The following CERK variants were observed in gnomAD, a reference collection of about 807,000 sequenced individuals.
CERK encodes acylsphingosine kinase.
In CERK, 39 loss-of-function variants were observed where a neutral mutation model predicts 63.4. That is an observed-to-expected ratio of 0.61 (90% CI 0.48 to 0.80). The LOEUF is 0.80. CERK is among the 30% of genes least tolerant of loss of function. The pLI, the probability that CERK is intolerant of heterozygous loss-of-function variation, is 0.00. For synonymous variants in CERK, 302 were observed against 280.0 expected (o/e 1.08, Z -0.78); for missense variants, 670 against 714.1 (o/e 0.94, Z 0.70).
At chr22:46,721,299 A>AT (rs1359569378) in intron 1 of CERK, among the ~76,000 whole-genome samples, 1 of 151,580 alleles carries the variant, frequency 6.6e-6, no homozygotes, top group African/African-American at 2.4e-5. Flanking sequence ...ACATATATAT[A>AT]TATATTTTTT....
At chr22:46,707,662 T>C (rs1445243492) in intron 6 of CERK, among the ~76,000 whole-genome samples, 181 bp downstream of exon 6, 2 of 152,148 alleles carry the variant, frequency 1.3e-5, no homozygotes, top group African/African-American at 4.8e-5. Flanking sequence ...TCCACGAGTG[T>C]CTATTTCATT....
At chr22:46,703,484 G>A (rs2082797734) in intron 6 of CERK, among the ~76,000 whole-genome samples, 2 of 152,314 alleles carry the variant, frequency 1.3e-5, no homozygotes, top group South Asian at 2.1e-4. Flanking sequence ...GCCTCCCACA[G>A]GGTCTGTGGC....
chr22:46,705,448 G>A (rs1297044950), intron 6 of CERK, among the ~76,000 whole-genome samples: 2 of 152,218 alleles, frequency 1.3e-5, no homozygotes, highest in Non-Finnish European at 2.9e-5. Flanking sequence ...AAGGCAGGTA[G>A]ATCACTTGAG....
chr22:46,693,250 G>A (rs1189118065), intron 10 of CERK, among the ~76,000 whole-genome samples, 177 bp downstream of exon 10: 1 of 152,148 alleles, frequency 6.6e-6, no homozygotes, highest in African/African-American at 2.4e-5. Context: ...AGCCACACAC[G>A]GCAAGTAACA....
intron 11 of CERK, 84 bp downstream of exon 11, chr22:46,691,488 G>A: frequency 8.8e-7 from 1 of 1,134,424 alleles, no homozygotes; most frequent in Non-Finnish European, 1.2e-6. Flanking sequence ...ATTAAATAAT[G>A]AATTCCTACA....
intron 8 of CERK, among the ~76,000 whole-genome samples, chr22:46,696,114 C>T (rs139989556): frequency 6.6e-5 from 10 of 152,306 alleles, no homozygotes; most frequent in South Asian, 2.1e-4. Context: ...CATCCTCATC[C>T]GCAGATGGCA....
At chr22:46,687,918 AG>A (rs376773257) in intron 12 of CERK, among the ~76,000 whole-genome samples, 4 of 152,144 alleles carry the variant, frequency 2.6e-5, no homozygotes, top group African/African-American at 9.6e-5. Flanking sequence ...AGGCTGGGGC[AG>A]GGCACAGTGA....
At chr22:46,701,098 T>C (rs1002705871) in intron 7 of CERK, among the ~76,000 whole-genome samples, 10 of 151,708 alleles carry the variant, frequency 6.6e-5, no homozygotes, top group African/African-American at 2.2e-4. Flanking sequence ...TCTACTGGGG[T>C]GAGGAACAGG....
chr22:46,719,622 A>C (rs970855440), intron 3 of CERK, among the ~76,000 whole-genome samples: 5 of 152,242 alleles, frequency 3.3e-5, no homozygotes, highest in Admixed American at 2.0e-4. Context: ...CAGTGAGCTG[A>C]GATCGCGCCA....
chr22:46,699,160 G>T (rs547934709), intron 8 of CERK, among the ~76,000 whole-genome samples, 153 bp downstream of exon 8: 1 of 152,276 alleles, frequency 6.6e-6, no homozygotes, highest in Admixed American at 6.5e-5. Flanking sequence ...GCCACGTTCT[G>T]GCCCCGGCAC....
intron 10 of CERK, among the ~76,000 whole-genome samples, chr22:46,692,076 G>A (rs150690087): frequency 1.1e-3 from 160 of 152,294 alleles, no homozygotes; most frequent in African/African-American, 3.6e-3. Context: ...TGTCAGATCC[G>A]GCCCGCCGCC....
Position 46,731,081 on chromosome 22 carries a change from G to A in CERK, c.142+6926C>T, listed in dbSNP as rs534698266. On this transcript the variant is annotated intron_variant, in intron 1 of 12. Transcript: ENST00000216264. Reference sequence around the variant, plus strand: ...CACAACCTCTGCCAGGGCTGTACAGGGGAGGCCACGCAGGAAGCTGGAACC... The same window carrying A: ...CACAACCTCTGCCAGGGCTGTACAGAGGAGGCCACGCAGGAAGCTGGAACC... 1.1e-4 allele frequency among the ~76,000 whole-genome samples: 17 copies of A among 152,386 alleles called. No homozygotes were observed. In the South Asian group the frequency reaches 3.3e-3, roughly 30 times the overall value.
intron 4 of CERK, 97 bp downstream of exon 4, chr22:46,712,071 A>T: frequency 7.2e-7 from 1 of 1,389,822 alleles, no homozygotes; most frequent in Non-Finnish European, 1.0e-6. Context: ...TGGGCAACAG[A>T]GTGAGACACC....
At chr22:46,728,325 T>TC (rs1347453455) in intron 1 of CERK, among the ~76,000 whole-genome samples, 1 of 151,878 alleles carries the variant, frequency 6.6e-6, no homozygotes, top group Non-Finnish European at 1.5e-5. Flanking sequence ...ACCCCGCTCT[T>TC]CCCCCCGTGC....
At chr22:46,727,505 G>A (rs1295951717) in intron 1 of CERK, among the ~76,000 whole-genome samples, 2 of 149,502 alleles carry the variant, frequency 1.3e-5, no homozygotes, top group African/African-American at 2.5e-5. Context: ...CAGAGACCTG[G>A]TTGGTCTCTC....
intron 11 of CERK, among the ~76,000 whole-genome samples, chr22:46,691,306 C>T (rs1176305594): frequency 3.3e-5 from 5 of 152,282 alleles, no homozygotes; most frequent in African/African-American, 1.2e-4. Flanking sequence ...CTCCTGACCT[C>T]GGGTGATCCG....
intron 8 of CERK, among the ~76,000 whole-genome samples, chr22:46,699,109 A>G (rs1341750292): frequency 3.3e-5 from 5 of 151,948 alleles, no homozygotes; most frequent in Admixed American, 6.6e-5. Flanking sequence ...TCCAGGGGGC[A>G]GGATCTGGTT....
At chr22:46,696,645 T>C (rs1241660853) in intron 8 of CERK, among the ~76,000 whole-genome samples, 1 of 152,244 alleles carries the variant, frequency 6.6e-6, no homozygotes, top group East Asian at 1.9e-4. Context: ...CCATGCCCTC[T>C]GTGCTGCTCC....
chr22:46,735,409 T>C (rs914605168), intron 1 of CERK: 2 of 152,288 alleles, frequency 1.3e-5, no homozygotes, highest in African/African-American at 4.8e-5. Flanking sequence ...CTGACGAAAG[T>C]GCACGTGCCT....
Sources: allele counts gnomAD v4.1 joint callset (sites outside exome capture counted in the v4.1 genomes callset), GRCh38; gene constraint gnomAD v4.1.1; transcripts MANE v1.5; gene names NCBI Gene and HGNC (gene_info 2026-07-23, HGNC 2026-07-21).